The following NDRG4 variants were observed in gnomAD, a reference collection of about 807,000 sequenced individuals.
The protein encoded by NDRG4 is NDRG family member 4.
Under a neutral mutation model 55.8 loss-of-function variants are expected in NDRG4, and 38 were observed. The observed-to-expected ratio is 0.68, with a 90% CI of 0.53 to 0.89. The LOEUF is 0.89. Among genes scored for constraint, NDRG4 ranks in the 40% least tolerant of loss-of-function variants. The pLI, the probability that NDRG4 is intolerant of heterozygous loss-of-function variation, is 0.00. For synonymous variants in NDRG4, 190 were observed against 182.7 expected (o/e 1.04, Z -0.32); for missense variants, 455 against 468.6 (o/e 0.97, Z 0.27).
chr16:58,492,975 C>G (rs2035976739), intron 2 of NDRG4, among the ~76,000 whole-genome samples: 1 of 152,104 alleles, frequency 6.6e-6, no homozygotes, highest in Non-Finnish European at 1.5e-5. Flanking sequence ...GTGGGTGTGG[C>G]CATTCTCTAT....
At chr16:58,465,093 G>T (rs9935033) in intron 1 of NDRG4, 18 of 1,278,838 alleles carry the variant, frequency 1.4e-5, no homozygotes, top group African/African-American at 1.5e-5. Context: ...AGCAGGGACG[G>T]GGGGGAGGAT....
At chr16:58,487,547 CAA>C (rs1156262583) in intron 1 of NDRG4, among the ~76,000 whole-genome samples, 1 of 152,110 alleles carries the variant, frequency 6.6e-6, no homozygotes, top group Non-Finnish European at 1.5e-5. Context: ...AACGGAAAAA[CAA>C]ATACTATAAT....
At chr16:58,468,577 C>T (rs573379179) in intron 1 of NDRG4, among the ~76,000 whole-genome samples, 2 of 152,208 alleles carry the variant, frequency 1.3e-5, no homozygotes, top group African/African-American at 4.8e-5. Flanking sequence ...AAAAATGAAC[C>T]GGGCTTGGTG....
At chr16:58,515,316 G>A (rs2039076449), downstream of NDRG4, among the ~76,000 whole-genome samples, 2 of 152,228 alleles carry the variant, frequency 1.3e-5, no homozygotes, top group South Asian at 4.1e-4. Flanking sequence ...GGCGCCAAGC[G>A]GCACGGGACT....
At chr16:58,507,079 CCCT>C in intron 8 of NDRG4, 64 bp downstream of exon 8, 1 of 1,283,176 alleles carries the variant, frequency 7.8e-7, no homozygotes, top group Non-Finnish European at 1.1e-6. Context: ...GCACACTGCC[CCCT>C]GAGGGAGGCA....
At chr16:58,475,243 C>T (rs1319118004) in intron 1 of NDRG4, among the ~76,000 whole-genome samples, 3 of 152,150 alleles carry the variant, frequency 2.0e-5, no homozygotes, top group Admixed American at 6.5e-5. Context: ...TGCGAGAATT[C>T]GTGACAAAAA....
At chr16:58,500,518 G>C (rs1269584164) in intron 1 of NDRG4, 1 of 501,398 alleles carries the variant, frequency 2.0e-6, no homozygotes, top group Non-Finnish European at 3.5e-6. Flanking sequence ...GTGTGGTTGG[G>C]GGGTGGGTGA....
In NDRG4 at chr16:58,506,385, A is replaced by T; in HGVS notation, c.373-2A>T. 1 of 1,613,792 alleles carries T rather than the reference A, an allele frequency of 6.2e-7. No homozygotes were observed. The highest frequency in any genetic ancestry group is 8.5e-7 in the Non-Finnish European group (1 of 1,179,950). On this transcript the variant is annotated splice_acceptor_variant, in intron 5 of 14. Coordinates refer to ENST00000570248, the MANE Select transcript of NDRG4 (RefSeq NM_001242835.2). LOFTEE classifies it high-confidence loss of function. ...CCGGCCCTGTTTCCCCTCTTACTGC[A>T]GCTCATCTTCCCCGACCTGGTGGAG...
At chr16:58,482,742 T>C (rs1597133711) in intron 1 of NDRG4, among the ~76,000 whole-genome samples, 1 of 120,810 alleles carries the variant, frequency 8.3e-6, no homozygotes. Flanking sequence ...CCTTCCTTCC[T>C]CCCTCCCTTC....
At chr16:58,513,976 A>AAAAT (rs1390057124), downstream of NDRG4, among the ~76,000 whole-genome samples, 1 of 152,162 alleles carries the variant, frequency 6.6e-6, no homozygotes, top group Non-Finnish European at 1.5e-5. Context: ...ACAAAAAAAC[A>AAAAT]AAATACAGCT....
intron 6 of NDRG4, 38 bp from the exon 7 acceptor site, chr16:58,506,520 G>T: frequency 6.2e-7 from 1 of 1,600,190 alleles, no homozygotes; most frequent in Non-Finnish European, 8.5e-7. Context: ...AGGGTGGGGT[G>T]AGGGGCGGCA....
rs1342457336 is a variant in NDRG4 at position 58,464,994 on chromosome 16, G to GT, written c.-24+1198dup. The GT allele has an allele frequency of 3.8e-5, 47 of 1,226,786 alleles. No homozygotes were observed. Among genetic ancestry groups the GT allele is most frequent in the Non-Finnish European group, 4.5e-5 (43 of 956,880 alleles). 76.0% of individuals were successfully genotyped at this position (1,226,786 alleles called of 1,614,324 possible). A position where few individuals can be genotyped will look rare whatever the true frequency, so the allele number is the denominator to read the frequency against. On this transcript the variant is annotated intron_variant, in intron 1 of 15. Transcript: ENST00000258187. The surrounding 1 kb of genome is among the most constrained non-coding windows in gnomAD (Gnocchi z 4.8). Reference sequence around the variant, plus strand: ...TCAGCCTTGGGGCTCCTCTGGAGAAGTGATCAGTTGCCCTGCTGGAAACTC... The same window carrying GT: ...TCAGCCTTGGGGCTCCTCTGGAGAAGTTGATCAGTTGCCCTGCTGGAAACTC...
At chr16:58,478,325 G>A (rs2033955479) in intron 1 of NDRG4, among the ~76,000 whole-genome samples, 1 of 151,854 alleles carries the variant, frequency 6.6e-6, no homozygotes, top group African/African-American at 2.4e-5. Context: ...GGAGGCAGAG[G>A]TTGCAGTGAG....
At chr16:58,499,080 G>C (rs2036739639), upstream of NDRG4, 1 of 152,662 alleles carries the variant, frequency 6.6e-6, no homozygotes, top group Non-Finnish European at 1.5e-5. Context: ...TCCCTCTCTG[G>C]CCTATTTCCT....
At chr16:58,468,865 T>A (rs2032246156) in intron 1 of NDRG4, among the ~76,000 whole-genome samples, 1 of 152,152 alleles carries the variant, frequency 6.6e-6, no homozygotes, top group Non-Finnish European at 1.5e-5. Flanking sequence ...TAGTGTGATA[T>A]GTGAAAGTGG....
chr16:58,508,522 G>A (rs2038348635), intron 10 of NDRG4, among the ~76,000 whole-genome samples: 1 of 152,186 alleles, frequency 6.6e-6, no homozygotes, highest in Non-Finnish European at 1.5e-5. Flanking sequence ...GCCCAGAGCA[G>A]CCCCGTGCGC....
At chr16:58,495,323 C>T, upstream of NDRG4, 1 of 315,914 alleles carries the variant, frequency 3.2e-6, no homozygotes, top group Non-Finnish European at 6.0e-6. Flanking sequence ...ACCCTGTCCT[C>T]CTTAGTTGAT....
chr16:58,482,719 C>CCCTCCCTCCCTCCCTT (rs2034595122), intron 1 of NDRG4, among the ~76,000 whole-genome samples: 1 of 104,002 alleles, frequency 9.6e-6, no homozygotes, highest in African/African-American at 3.3e-5. Context: ...TTTCCTTCCT[C>CCCTCCCTCCCTCCCTT]CCTCCCTCCC....
Position 58,510,195 on chromosome 16 carries a change from C to G in NDRG4, c.866-450C>G, listed in dbSNP as rs141703014. Among the ~76,000 whole-genome samples the G allele has an allele frequency of 4.2e-3, 633 of 152,324 alleles. 5 individuals are homozygous for G. The highest frequency in any genetic ancestry group is 0.014 in the African/African-American group (592 of 41,574). Reference sequence around the variant, plus strand: ...GAGCAGGGCAGAGCCCTAGGGCCCACAGGGAGGCTCCGCAGGAGCACAGAG... The same window carrying G: ...GAGCAGGGCAGAGCCCTAGGGCCCAGAGGGAGGCTCCGCAGGAGCACAGAG... On this transcript the variant is annotated intron_variant, in intron 13 of 14. Coordinates refer to ENST00000570248, the MANE Select transcript of NDRG4 (RefSeq NM_001242835.2).
Sources: allele counts gnomAD v4.1 joint callset (sites outside exome capture counted in the v4.1 genomes callset), GRCh38; gene constraint gnomAD v4.1.1; non-coding constraint Gnocchi (gnomAD v3.1); transcripts MANE v1.5; gene names NCBI Gene and HGNC (gene_info 2026-07-23, HGNC 2026-07-21).